The following SMARCA2 variants were observed in gnomAD, a reference collection of about 807,000 sequenced individuals.
The protein encoded by SMARCA2 is SWI/SNF-related matrix-associated actin-dependent regulator of chromatin subfamily A member 2.
Under a neutral mutation model 199.8 loss-of-function variants are expected in SMARCA2, and 61 were observed. The ratio of observed to expected loss-of-function variants is 0.31; its 90% CI spans 0.25 to 0.38. The LOEUF (loss-of-function observed/expected upper bound fraction) is 0.38, where lower values mean the gene tolerates loss of function less well. SMARCA2 is among the 10% of genes least tolerant of loss of function. The pLI, the probability that SMARCA2 is intolerant of heterozygous loss-of-function variation, is 1.00. For missense variants in SMARCA2, 1,344 were observed against 2,012.2 expected, an observed-to-expected ratio of 0.67 and a Z score of 6.35; for synonymous variants, 935 against 732.0, an observed-to-expected ratio of 1.28 and a Z score of -4.48.
At chr9:2,088,978 G>A (rs567355929) in intron 19 of SMARCA2, among the ~76,000 whole-genome samples, 25 of 151,074 alleles carry the variant, frequency 1.7e-4, no homozygotes, top group African/African-American at 5.9e-4. Context: ...TGGCGTTGGG[G>A]ACTTGTATCA....
intron 14 of SMARCA2, among the ~76,000 whole-genome samples, chr9:2,079,062 C>T (rs1160714201): frequency 3.3e-5 from 5 of 152,116 alleles, no homozygotes; most frequent in African/African-American, 9.7e-5. Flanking sequence ...TACTTGTGAA[C>T]GTGAGTCGAG....
chr9:2,097,548 G>GAA (rs60293281), intron 21 of SMARCA2, 77 bp downstream of exon 21: 198 of 730,354 alleles, frequency 2.7e-4, no homozygotes, highest in African/African-American at 5.7e-4. Context: ...AAACAAACAG[G>GAA]AAAAAAAAAA....
chr9:2,155,869 C>G (rs943827817), intron 27 of SMARCA2, among the ~76,000 whole-genome samples: 1 of 150,826 alleles, frequency 6.6e-6, no homozygotes, highest in African/African-American at 2.4e-5. Flanking sequence ...TTGTACATTT[C>G]AGTCCCAAAT....
intron 12 of SMARCA2, among the ~76,000 whole-genome samples, 197 bp downstream of exon 12, chr9:2,073,820 C>T (rs1246323893): frequency 6.6e-6 from 1 of 152,042 alleles, no homozygotes; most frequent in Admixed American, 6.5e-5. Context: ...TCTTGGAAGG[C>T]CCTGGCTAAT....
rs2129714226 is a variant in SMARCA2 at position 2,169,620 on chromosome 9, C to T, written c.4200-799C>T. Among the ~76,000 whole-genome samples, 1 of 152,256 alleles carries T rather than the reference C, an allele frequency of 6.6e-6. No individual in the cohort carries two copies. Among genetic ancestry groups the T allele is most frequent in the Admixed American group, 6.5e-5 (1 of 15,292 alleles). Reference sequence around the variant, plus strand: ...CAGTGACTCCGAGAAGGGATTTATACATGGACAGGCACAGGCTGTGAATCC... The same window carrying T: ...CAGTGACTCCGAGAAGGGATTTATATATGGACAGGCACAGGCTGTGAATCC... On this transcript the variant is annotated intron_variant, in intron 28 of 33. Coordinates refer to ENST00000349721, the MANE Select transcript of SMARCA2 (RefSeq NM_003070.5). This position sits in a 1 kb window ranked among gnomAD's most constrained non-coding sequence, Gnocchi z 6.5.
At chr9:2,102,138 T>C (rs1286935772) in intron 22 of SMARCA2, among the ~76,000 whole-genome samples, 1 of 112,150 alleles carries the variant, frequency 8.9e-6, no homozygotes. Context: ...AGAAAGTGTG[T>C]GTGTGTGTGT....
At chr9:2,178,245 G>A (rs1452502782) in intron 29 of SMARCA2, among the ~76,000 whole-genome samples, 4 of 152,124 alleles carry the variant, frequency 2.6e-5, no homozygotes, top group African/African-American at 4.8e-5. Context: ...ACCAGTGAGT[G>A]CCTTTAAACT....
intron 14 of SMARCA2, among the ~76,000 whole-genome samples, chr9:2,078,819 C>A (rs558745435): frequency 6.6e-6 from 1 of 151,936 alleles, no homozygotes; most frequent in African/African-American, 2.4e-5. Context: ...GTGGCGGGCA[C>A]CTGTAGTCCC....
chr9:2,192,667 A>C (rs372567468), intron 33 of SMARCA2, 37 bp from the exon 34 acceptor site: 156 of 1,431,542 alleles, frequency 1.1e-4, no homozygotes, highest in Non-Finnish European at 1.3e-4. Flanking sequence ...CTTGCATGTG[A>C]TGTTACTTCA....
intron 3 of SMARCA2, among the ~76,000 whole-genome samples, chr9:2,038,289 A>AG (rs1819421785): frequency 6.6e-6 from 1 of 152,224 alleles, no homozygotes; most frequent in African/African-American, 2.4e-5. Flanking sequence ...ATGTGGTAAC[A>AG]GTATATATCT....
At chr9:2,059,844 C>T (rs1214540406) in intron 8 of SMARCA2, among the ~76,000 whole-genome samples, 1 of 151,970 alleles carries the variant, frequency 6.6e-6, no homozygotes, top group African/African-American at 2.4e-5. Context: ...AATGGAGTTG[C>T]CTCTTAAAGA....
chr9:2,176,172 C>T (rs762527825), intron 29 of SMARCA2, among the ~76,000 whole-genome samples: 5 of 129,152 alleles, frequency 3.9e-5, no homozygotes, highest in African/African-American at 7.6e-5. Context: ...TGAGCCACCG[C>T]GCCCGGCCTG....
At chr9:2,124,718 G>A (rs968652761) in intron 27 of SMARCA2, among the ~76,000 whole-genome samples, 1 of 152,152 alleles carries the variant, frequency 6.6e-6, no homozygotes, top group Admixed American at 6.5e-5. Flanking sequence ...TTTGATTGAG[G>A]ACTGAAATCT....
chr9:2,181,539 G>C, intron 29 of SMARCA2, 32 bp from the exon 30 acceptor site: 1 of 1,022,076 alleles, frequency 9.8e-7, no homozygotes. Context: ...GTTTGATGTG[G>C]CTTGTTTTTG....
rs140381216 is a variant in SMARCA2, at chr9:2,056,284, T to G, written c.1174-388T>G. ...TTGGAGCATCATTAAAATTAATCTT[T>G]AAACACAAAGAGAATGTTAACATGA... is the stretch of plus-strand genomic sequence containing the variant. On this transcript the variant is annotated intron_variant, in intron 6 of 33. Coordinates refer to ENST00000349721, the MANE Select transcript of SMARCA2 (RefSeq NM_003070.5). The surrounding 1 kb of genome is among the most constrained non-coding windows in gnomAD (Gnocchi z 4.0). Among the ~76,000 whole-genome samples, 275 of 152,302 alleles carry G rather than the reference T, an allele frequency of 1.8e-3. No homozygotes were observed. The highest frequency in any genetic ancestry group is 6.3e-3 in the African/African-American group (263 of 41,554).
intron 27 of SMARCA2, among the ~76,000 whole-genome samples, chr9:2,128,698 G>A (rs1408667913): frequency 2.6e-5 from 4 of 152,262 alleles, no homozygotes; most frequent in African/African-American, 9.6e-5. Flanking sequence ...GATCCTCCCA[G>A]AGCTTTGGAA....
Position 2,161,940 on chromosome 9 carries a change from C to G in SMARCA2, c.4199+37C>G, listed in dbSNP as rs758098338. ...GTTCCTTCACCTTGATCATCTCTCACCAAGACGCCGAGTGGCGCTCCCTGA... is the reference window on the plus strand; with the variant it reads ...GTTCCTTCACCTTGATCATCTCTCAGCAAGACGCCGAGTGGCGCTCCCTGA... On this transcript the variant is annotated intron_variant, in intron 28 of 33. Transcript: ENST00000349721. This position sits in a 1 kb window ranked among gnomAD's most constrained non-coding sequence, Gnocchi z 4.7. The G allele has an allele frequency of 6.4e-7, 1 of 1,561,316 alleles. No individual in the cohort carries two copies. Among genetic ancestry groups the G allele is most frequent in the Non-Finnish European group, 8.8e-7 (1 of 1,135,572 alleles).
intron 23 of SMARCA2, among the ~76,000 whole-genome samples, chr9:2,106,931 G>A (rs1047606559): frequency 6.6e-6 from 1 of 152,146 alleles, no homozygotes; most frequent in African/African-American, 2.4e-5. Context: ...CAACACAGTT[G>A]CCCTATTAAT....
intron 6 of SMARCA2, 147 bp downstream of exon 6, chr9:2,054,870 A>C (rs978444949): frequency 1.0e-5 from 8 of 765,050 alleles, no homozygotes; most frequent in Non-Finnish European, 1.6e-5. Flanking sequence ...TTTTAGACCA[A>C]CAGCTTACAA....
Sources: allele counts gnomAD v4.1 joint callset (sites outside exome capture counted in the v4.1 genomes callset), GRCh38; gene constraint gnomAD v4.1.1; non-coding constraint Gnocchi (gnomAD v3.1); transcripts MANE v1.5; gene names NCBI Gene and HGNC (gene_info 2026-07-23, HGNC 2026-07-21).